The following ZNF821 variants were observed in gnomAD, a reference collection of about 807,000 sequenced individuals.
The protein encoded by ZNF821 is zinc finger protein 821.
Under a neutral mutation model 44.3 loss-of-function variants are expected in ZNF821, and 16 were observed. That is an observed-to-expected ratio of 0.36 (90% CI 0.24 to 0.55). The LOEUF is 0.55. ZNF821 is among the 20% of genes least tolerant of loss of function. The probability of loss-of-function intolerance (pLI) is 0.86; values close to 1 mark genes in which losing one functional copy is unlikely to be tolerated. For synonymous variants in ZNF821, 204 were observed against 197.6 expected (o/e 1.03, Z -0.27); for missense variants, 436 against 547.6 (o/e 0.80, Z 2.03).
intron 3 of ZNF821, among the ~76,000 whole-genome samples, chr16:71,873,902 C>G (rs901194500): frequency 6.6e-6 from 1 of 151,502 alleles, no homozygotes; most frequent in East Asian, 1.9e-4. Flanking sequence ...ATTCTCCTGT[C>G]TCAGACTCCC....
chr16:71,894,717 G>A, intron 1 of ZNF821: 1 of 185,762 alleles, frequency 5.4e-6, no homozygotes, highest in Non-Finnish European at 8.9e-6. Context: ...TTTTTTTTTT[G>A]TAGCGATGCG....
At chr16:71,889,727 C>T (rs1340867220), upstream of ZNF821, among the ~76,000 whole-genome samples, 1 of 151,776 alleles carries the variant, frequency 6.6e-6, no homozygotes, top group Non-Finnish European at 1.5e-5. Flanking sequence ...CAAAAGAAAA[C>T]CCGAAAAAAC....
At chr16:71,882,811 G>A (rs2036570507) in intron 2 of ZNF821, among the ~76,000 whole-genome samples, 1 of 152,182 alleles carries the variant, frequency 6.6e-6, no homozygotes, top group African/African-American at 2.4e-5. Context: ...TCAGAGGCCA[G>A]ATGACTTGTT....
chr16:71,867,231 TTACAAA>T (rs1203055114), intron 4 of ZNF821, among the ~76,000 whole-genome samples: 1 of 152,204 alleles, frequency 6.6e-6, no homozygotes, highest in Non-Finnish European at 1.5e-5. Flanking sequence ...ATTTTATTGA[TTACAAA>T]TACATAGATC....
chr16:71,892,570 A>AT (rs2036893873), intron 1 of ZNF821, among the ~76,000 whole-genome samples: 8 of 137,786 alleles, frequency 5.8e-5, no homozygotes, highest in Non-Finnish European at 1.1e-4. Flanking sequence ...GCCCGGCCAA[A>AT]ATTTTTTTTT....
chr16:71,878,247 G>T (rs1314354886), intron 3 of ZNF821, among the ~76,000 whole-genome samples: 2 of 151,324 alleles, frequency 1.3e-5, no homozygotes, highest in African/African-American at 4.9e-5. Context: ...GAGTAGCTGG[G>T]ATTATAGGTG....
Position 71,879,947 on chromosome 16 carries a change from G to A in ZNF821, c.-1C>T. The A allele has an allele frequency of 6.2e-7, 1 of 1,613,234 alleles. No homozygotes were observed. The highest frequency in any genetic ancestry group is 8.5e-7 in the Non-Finnish European group (1 of 1,179,664). ...GATTTGTCTGTTTCCGACGGGACAT[G>A]TTTCCCTGATGCAAGAGCTCTGGTC... On this transcript the variant is annotated 5_prime_UTR_variant, in exon 3 of 8. Coordinates refer to ENST00000425432, the MANE Select transcript of ZNF821 (RefSeq NM_001201552.2).
Position 71,861,855 on chromosome 16 carries a change from G to A in ZNF821, c.505C>T (p.Leu169Phe). The stretch of plus-strand genomic sequence containing the variant: ...CGCTGGTCCTCCGAGTGGATTAAGA[G>A]GTGGCGACCCAATGACCCCGGGGAG... ...LSSPGSLGRH[L>F]LIHSEDQRSN... The change falls in exon 7 of 8, where the codon CTC (leucine) becomes TTC (phenylalanine). Residue 169 changes from leucine to phenylalanine, a missense_variant. Physicochemically the swap from Leu to Phe is conservative, Grantham distance 22 (BLOSUM62 0). Around this residue, in one of 5 missense-constraint regions of ZNF821, gnomAD observed 238 missense variants for 281.4 expected, o/e 0.85. Coordinates refer to ENST00000425432, the MANE Select transcript of ZNF821 (RefSeq NM_001201552.2). The A allele has an allele frequency of 6.2e-7, 1 of 1,614,156 alleles. No individual in the cohort carries two copies. The highest frequency in any genetic ancestry group is 8.5e-7 in the Non-Finnish European group (1 of 1,180,044).
exon 1 of ZNF821, chr16:71,895,033 G>C: frequency 3.9e-6 from 2 of 506,612 alleles, no homozygotes; most frequent in African/African-American, 2.0e-5. Context: ...CCCGTAGAGG[G>C]ACACGGAGGC....
rs573275312 is a variant in ZNF821 at position 71,874,105 on chromosome 16, C to A, written c.40+5802G>T. On this transcript the variant is annotated intron_variant, in intron 3 of 7. Coordinates refer to ENST00000425432, the MANE Select transcript of ZNF821 (RefSeq NM_001201552.2). ...TCCCGAGTAGCTGGGATTACAGGCA[C>A]CCGCCACCATGCCCAGCTAATTTTT... is the stretch of plus-strand genomic sequence containing the variant. 1.8e-4 allele frequency among the ~76,000 whole-genome samples: 28 copies of A among 151,856 alleles called. No homozygotes were observed. The South Asian group carries it at 5.6e-3, about 31-fold the overall frequency.
intron 1 of ZNF821, chr16:71,891,607 C>CG (rs2036885732): frequency 6.6e-6 from 1 of 152,190 alleles, no homozygotes; most frequent in South Asian, 2.1e-4. Context: ...GGCATGGTGG[C>CG]GCACGCCTGT....
intron 7 of ZNF821, among the ~76,000 whole-genome samples, chr16:71,861,327 C>A (rs1597121585): frequency 6.6e-6 from 1 of 152,320 alleles, no homozygotes; most frequent in Non-Finnish European, 1.5e-5. Context: ...GAGGTGGAGA[C>A]CTCCTTCAGG....
At chr16:71,861,658 G>A in intron 7 of ZNF821, 118 bp downstream of exon 7, 1 of 1,202,638 alleles carries the variant, frequency 8.3e-7, no homozygotes, top group Admixed American at 2.1e-5. Context: ...GTACTTCCAA[G>A]GAGCATGCAT....
At chr16:71,875,272 ATC>A (rs1471947964) in intron 3 of ZNF821, among the ~76,000 whole-genome samples, 1 of 151,600 alleles carries the variant, frequency 6.6e-6, no homozygotes, top group Non-Finnish European at 1.5e-5. Flanking sequence ...CTGTTTTTCC[ATC>A]TGTTTTTCTT....
chr16:71,870,368 AC>A (rs1221194807), intron 3 of ZNF821, among the ~76,000 whole-genome samples: 244 of 151,372 alleles, frequency 1.6e-3, no homozygotes, highest in East Asian at 3.5e-3. Context: ...GGTAGAGAAA[AC>A]AAAAAAAAAA....
Position 71,860,650 on chromosome 16 carries a change from T to C in ZNF821, c.607A>G (p.Asn203Asp). ...FNSEKLPEVL[N>D]MESLPTVHNE... is the part of the protein sequence containing the mutation. ...TGGACTGTGGGTAGGGATTCCATAT[T>C]TAGTACTTCAGGAAGTTTCTCACTG... Residue 203 changes from asparagine to aspartate, a missense_variant, in exon 8 of 8, where the codon AAT (asparagine) becomes GAT (aspartate). Asn to Asp is a conservative substitution (Grantham distance 23, BLOSUM62 1). Transcript: ENST00000425432. The surrounding 1 kb of genome is among the most constrained non-coding windows in gnomAD (Gnocchi z 7.3). 1 of 1,613,320 alleles carries C rather than the reference T, an allele frequency of 6.2e-7. No homozygotes were observed. Among genetic ancestry groups the C allele is most frequent in the Non-Finnish European group, 8.5e-7 (1 of 1,179,594 alleles).
chr16:71,890,040 A>C (rs1041069402), intron 1 of ZNF821, among the ~76,000 whole-genome samples: 1 of 152,192 alleles, frequency 6.6e-6, no homozygotes, highest in Non-Finnish European at 1.5e-5. Context: ...AAATTGAGAT[A>C]ATGTGTTTAT....
chr16:71,871,021 A>T (rs1403412673), intron 3 of ZNF821, among the ~76,000 whole-genome samples: 1 of 152,234 alleles, frequency 6.6e-6, no homozygotes, highest in African/African-American at 2.4e-5. Flanking sequence ...GGATTAGTAA[A>T]AAGACACCTA....
chr16:71,872,160 C>G (rs1417201935), intron 3 of ZNF821, among the ~76,000 whole-genome samples: 2 of 151,768 alleles, frequency 1.3e-5, no homozygotes, highest in Non-Finnish European at 2.9e-5. Flanking sequence ...CAGATGAGAA[C>G]AAGGCCATGT....
Sources: allele counts gnomAD v4.1 joint callset (sites outside exome capture counted in the v4.1 genomes callset), GRCh38; gene constraint gnomAD v4.1.1; regional missense constraint gnomAD v4.1.1; non-coding constraint Gnocchi (gnomAD v3.1); transcripts MANE v1.5; gene names NCBI Gene and HGNC (gene_info 2026-07-23, HGNC 2026-07-21).